ITSN2: variants seen among roughly 807,000 people sequenced by gnomAD.
ITSN2 encodes intersectin 2.
Under a neutral mutation model 243.7 loss-of-function variants are expected in ITSN2, and 156 were observed. That is an observed-to-expected ratio of 0.64 (90% CI 0.56 to 0.73). The LOEUF (loss-of-function observed/expected upper bound fraction) is 0.73, where lower values mean the gene tolerates loss of function less well. Ranked by LOEUF, ITSN2 falls within the 30% of genes least tolerant of loss-of-function variation. The pLI is 0.00. For synonymous variants in ITSN2, 703 were observed against 699.9 expected (o/e 1.00, Z -0.07); for missense variants, 1,801 against 1,996.1 (o/e 0.90, Z 1.86).
rs764173343 is a variant in ITSN2 at position 24,204,174 on chromosome 2, C to A, written c.4936+71G>T. The A allele has an allele frequency of 4.8e-6, 7 of 1,463,178 alleles. No homozygotes were observed. The African/African-American group carries it at 8.4e-5, about 18-fold the overall frequency. 90.6% of individuals were successfully genotyped at this position (1,463,178 alleles called of 1,614,324 possible). On this transcript the variant is annotated intron_variant, in intron 39 of 39. Coordinates refer to ENST00000355123, the MANE Select transcript of ITSN2 (RefSeq NM_006277.3). This position sits in a 1 kb window ranked among gnomAD's most constrained non-coding sequence, Gnocchi z 5.1. ...GCATGGGGTCTGCACACAGCTGAAG[C>A]CCCTAGATCTGGACTCCAGGATCTA...
intron 27 of ITSN2, among the ~76,000 whole-genome samples, chr2:24,247,546 A>G (rs1673547926): frequency 1.3e-5 from 2 of 152,174 alleles, no homozygotes; most frequent in East Asian, 1.9e-4. Context: ...TTCAAATATG[A>G]GCATGATCTT....
At chr2:24,215,909 A>T in intron 32 of ITSN2, 140 bp downstream of exon 32, 1 of 557,654 alleles carries the variant, frequency 1.8e-6, no homozygotes, top group Non-Finnish European at 2.9e-6. Context: ...CAATCGGAAA[A>T]TTCTCTGCCG....
rs1441071096 is a variant in ITSN2 at position 24,204,113 on chromosome 2, C to G, written c.4936+132G>C. ...GAAGGCCACCCACCTGCTGCCAAAGCGAGATGACACAGGCCTGTGTCACTT... is the reference window on the plus strand; with the variant it reads ...GAAGGCCACCCACCTGCTGCCAAAGGGAGATGACACAGGCCTGTGTCACTT... On this transcript the variant is annotated intron_variant, in intron 39 of 39. Coordinates refer to ENST00000355123, the MANE Select transcript of ITSN2 (RefSeq NM_006277.3). This position sits in a 1 kb window ranked among gnomAD's most constrained non-coding sequence, Gnocchi z 5.1. 34 of 891,586 alleles carry G rather than the reference C, an allele frequency of 3.8e-5. No homozygotes were observed. Among genetic ancestry groups the G allele is most frequent in the Non-Finnish European group, 5.4e-5 (31 of 576,014 alleles). The allele number at this position is 891,586 out of a possible 1,614,324, so 55.2% of individuals were successfully genotyped here. A position where few individuals can be genotyped will look rare whatever the true frequency, so the allele number is the denominator to read the frequency against.
intron 17 of ITSN2, among the ~76,000 whole-genome samples, chr2:24,276,559 A>T (rs547428662): frequency 6.6e-6 from 1 of 152,318 alleles, no homozygotes; most frequent in South Asian, 2.1e-4. Flanking sequence ...CTTAGCAGGA[A>T]CTTGTGATTA....
At chr2:24,237,244 G>A (rs1672262907) in intron 29 of ITSN2, among the ~76,000 whole-genome samples, 1 of 152,130 alleles carries the variant, frequency 6.6e-6, no homozygotes, top group African/African-American at 2.4e-5. Flanking sequence ...AAACTAAGAA[G>A]TCCTCAAAAA....
intron 29 of ITSN2, among the ~76,000 whole-genome samples, chr2:24,242,490 C>T: frequency 6.6e-6 from 1 of 151,940 alleles, no homozygotes; most frequent in Non-Finnish European, 1.5e-5. Context: ...ACAAGGATCT[C>T]GTATCTATTC....
At chr2:24,340,273 G>C (rs1686901486) in intron 1 of ITSN2, among the ~76,000 whole-genome samples, 1 of 152,044 alleles carries the variant, frequency 6.6e-6, no homozygotes, top group Admixed American at 6.6e-5. Context: ...CTGAGGTCAG[G>C]AGTTTGAGAC....
In ITSN2 at chr2:24,221,243, G is replaced by A. The variant is rs1476722362; in HGVS notation, c.3578-177C>T. Reference sequence around the variant, plus strand: ...GCGTACGCGGAGAGTTGGCATTAATGAGCCGGCACTCACAGCTCCAAAGTG... The same window carrying A: ...GCGTACGCGGAGAGTTGGCATTAATAAGCCGGCACTCACAGCTCCAAAGTG... On this transcript the variant is annotated intron_variant, in intron 29 of 39. Transcript: ENST00000355123. 5 of 587,804 alleles carry A rather than the reference G, an allele frequency of 8.5e-6. No homozygotes were observed. In the Admixed American group the frequency reaches 1.1e-4, roughly 13 times the overall value. The allele number at this position is 587,804 out of a possible 1,614,324, so 36.4% of individuals were successfully genotyped here. A position where few individuals can be genotyped will look rare whatever the true frequency, so the allele number is the denominator to read the frequency against.
Position 24,286,371 on chromosome 2 carries a change from C to G in ITSN2, c.1724-20G>C. On this transcript the variant is annotated intron_variant, in intron 15 of 39. Coordinates refer to ENST00000355123, the MANE Select transcript of ITSN2 (RefSeq NM_006277.3). ...CTGAATCTGAAAAACAAACATCAGA[C>G]AGTTTACATTTTGCAGAAGTTCGTA... is the stretch of plus-strand genomic sequence containing the variant. The G allele has an allele frequency of 1.2e-6, 2 of 1,607,834 alleles. No individual in the cohort carries two copies. The highest frequency in any genetic ancestry group is 1.7e-6 in the Non-Finnish European group (2 of 1,176,604).
Position 24,246,786 on chromosome 2 carries a change from C to T in ITSN2, c.3385+11G>A, listed in dbSNP as rs1231610114. 6.7e-7 allele frequency: 1 copy of T among 1,500,626 alleles called. No individual in the cohort carries two copies. Among genetic ancestry groups the T allele is most frequent in the Admixed American group, 1.8e-5 (1 of 56,446 alleles). The allele number at this position is 1,500,626 out of a possible 1,614,324, so 93.0% of individuals were successfully genotyped here. The stretch of plus-strand genomic sequence containing the variant: ...CTCTAAAATGAAATACAAATTAACC[C>T]ACTTCCATACCAGGATGAAAGGCAG... On this transcript the variant is annotated intron_variant, in intron 28 of 39. Coordinates refer to ENST00000355123, the MANE Select transcript of ITSN2 (RefSeq NM_006277.3).
At chr2:24,264,613 C>G (rs1337700868) in intron 20 of ITSN2, among the ~76,000 whole-genome samples, 1 of 10,818 alleles carries the variant, frequency 9.2e-5, no homozygotes, top group African/African-American at 2.8e-4. Flanking sequence ...ATATGAATAT[C>G]CATTGTTCCA....
intron 5 of ITSN2, among the ~76,000 whole-genome samples, chr2:24,311,315 A>G (rs1683238329): frequency 6.6e-6 from 1 of 152,218 alleles, no homozygotes; most frequent in African/African-American, 2.4e-5. Flanking sequence ...AAATATGGTC[A>G]CACAATGATT....
intron 1 of ITSN2, chr2:24,330,263 T>C (rs975917438): frequency 5.5e-6 from 2 of 360,648 alleles, no homozygotes; most frequent in African/African-American, 4.3e-5. Context: ...CGTCATCACG[T>C]ATTCTGTGAA....
chr2:24,270,825 ACTC>A, intron 19 of ITSN2, 57 bp from the exon 20 acceptor site: 2 of 918,032 alleles, frequency 2.2e-6, no homozygotes, highest in Non-Finnish European at 3.5e-6. Flanking sequence ...CTTTGCTATG[ACTC>A]AATAAAGAGC....
intron 17 of ITSN2, among the ~76,000 whole-genome samples, chr2:24,276,431 A>T (rs1201338219): frequency 6.6e-6 from 1 of 152,220 alleles, no homozygotes; most frequent in Non-Finnish European, 1.5e-5. Flanking sequence ...TAAGTGCTAT[A>T]AAGCGTTCCA....
At chr2:24,282,767 T>C (rs1242225087) in intron 17 of ITSN2, among the ~76,000 whole-genome samples, 1 of 152,174 alleles carries the variant, frequency 6.6e-6, no homozygotes. Flanking sequence ...CAAGGGAACC[T>C]TTCCCGTTTT....
In ITSN2 at chr2:24,210,036, TAAAGA is replaced by T; in HGVS notation, c.4258-8_4258-4del. On this transcript the variant is annotated splice_region_variant and splice_polypyrimidine_tract_variant and intron_variant, in intron 34 of 39. Transcript: ENST00000355123. Reference sequence around the variant, plus strand: ...GTGAGAGAGTTGAAAATAAGTTGCTTAAAGAGAAAGAAAATTTCACTTTTTAAATC... The same window carrying T: ...GTGAGAGAGTTGAAAATAAGTTGCTTGAAAGAAAATTTCACTTTTTAAATC... 1 of 1,608,314 alleles carries T rather than the reference TAAAGA, an allele frequency of 6.2e-7. No individual in the cohort carries two copies. Among genetic ancestry groups the T allele is most frequent in the Non-Finnish European group, 8.5e-7 (1 of 1,175,200 alleles).
At position 24,300,097 on chromosome 2, in the gene ITSN2, T is replaced by C. The variant is rs770278075; in HGVS notation, c.1156A>G (p.Met386Val). 1 of 1,614,180 alleles carries C rather than the reference T, an allele frequency of 6.2e-7. No homozygotes were observed. ...MELEKRRQAL[M>V]EQQQREAERK... ...TCTGCCTCCCTTTGTTGCTGCTCCA[T>C]CAAGGCTTGGCGTCGCTTTTCCAGC... is the stretch of plus-strand genomic sequence containing the variant. Residue 386 changes from methionine (M) to valine (V), a missense_variant, in exon 12 of 40, where the codon ATG becomes GTG. Coordinates refer to ENST00000355123, the MANE Select transcript of ITSN2 (RefSeq NM_006277.3).
intron 1 of ITSN2, among the ~76,000 whole-genome samples, chr2:24,341,663 G>A (rs1028555531): frequency 1.3e-5 from 2 of 152,154 alleles, no homozygotes; most frequent in African/African-American, 2.4e-5. Flanking sequence ...CAGATGACAT[G>A]AAGTCAGGAG....
Sources: allele counts gnomAD v4.1 joint callset (sites outside exome capture counted in the v4.1 genomes callset), GRCh38; gene constraint gnomAD v4.1.1; non-coding constraint Gnocchi (gnomAD v3.1); transcripts MANE v1.5; gene names NCBI Gene and HGNC (gene_info 2026-07-23, HGNC 2026-07-21).